Variants in SPECC1 observed in about 807,000 individuals in gnomAD.
The protein encoded by SPECC1 is sperm antigen with calponin homology and coiled-coil domains 1, also known as cytospin-B.
A neutral mutation model predicts 104.1 loss-of-function variants in SPECC1; 62 were observed. That is an observed-to-expected ratio of 0.60 (90% CI 0.49 to 0.74). SPECC1 has a LOEUF of 0.74. SPECC1 is among the 30% of genes least tolerant of loss of function. SPECC1 has a pLI of 0.00. For synonymous variants in SPECC1, 513 were observed against 501.6 expected (o/e 1.02, Z -0.30); for missense variants, 1,306 against 1,310.5 (o/e 1.00, Z 0.05).
intron 12 of SPECC1, among the ~76,000 whole-genome samples, chr17:20,278,032 T>C (rs2040631637): frequency 6.6e-6 from 1 of 152,206 alleles, no homozygotes; most frequent in Admixed American, 6.5e-5. Flanking sequence ...CTACCATGGC[T>C]TGAAAACCCT....
chr17:20,104,300 G>T (rs533561555), intron 2 of SPECC1, among the ~76,000 whole-genome samples: 12 of 152,152 alleles, frequency 7.9e-5, no homozygotes, highest in Admixed American at 2.0e-4. Flanking sequence ...ACAGTGTGGG[G>T]TATTTTTGTA....
At chr17:20,105,232 G>A (rs547314648) in intron 2 of SPECC1, among the ~76,000 whole-genome samples, 1 of 152,230 alleles carries the variant, frequency 6.6e-6, no homozygotes, top group Admixed American at 6.5e-5. Context: ...TAGGACTACA[G>A]GCACGCAGTG....
At chr17:20,281,996 G>A (rs1298973889) in intron 12 of SPECC1, among the ~76,000 whole-genome samples, 1 of 152,222 alleles carries the variant, frequency 6.6e-6, no homozygotes, top group East Asian at 1.9e-4. Context: ...GGTGCTGTGT[G>A]AGGCTAGCAC....
At chr17:20,298,197 C>A (rs553418419) in intron 13 of SPECC1, among the ~76,000 whole-genome samples, 1 of 152,164 alleles carries the variant, frequency 6.6e-6, no homozygotes, top group South Asian at 2.1e-4. Flanking sequence ...ACTAAAAATA[C>A]AAAAATTAGC....
chr17:20,243,307 TAC>T (rs1376025319), intron 7 of SPECC1, among the ~76,000 whole-genome samples: 1 of 152,198 alleles, frequency 6.6e-6, no homozygotes, highest in Non-Finnish European at 1.5e-5. Flanking sequence ...GCTGTATACT[TAC>T]ATATTTCTTA....
chr17:20,161,221 AC>A (rs1167228890), intron 3 of SPECC1, among the ~76,000 whole-genome samples: 25 of 152,110 alleles, frequency 1.6e-4, no homozygotes, highest in Non-Finnish European at 2.9e-4. Flanking sequence ...AAAAGAAAAA[AC>A]TTTAAAATTC....
chr17:20,182,270 T>C (rs1367234729), intron 3 of SPECC1, among the ~76,000 whole-genome samples: 1 of 151,970 alleles, frequency 6.6e-6, no homozygotes, highest in Non-Finnish European at 1.5e-5. Flanking sequence ...CACACCACCA[T>C]GTCCCGCTAA....
intron 3 of SPECC1, among the ~76,000 whole-genome samples, chr17:20,164,645 G>T (rs1431241876): frequency 6.6e-6 from 1 of 152,114 alleles, no homozygotes; most frequent in Admixed American, 6.6e-5. Flanking sequence ...GATATTCTGT[G>T]CTTGTTAGTT....
At position 20,306,880 on chromosome 17, in the gene SPECC1, T is replaced by C. The variant is rs78997506; in HGVS notation, c.3117+798T>C. 3.5e-3 allele frequency among the ~76,000 whole-genome samples: 535 copies of C among 152,184 alleles called. 23 individuals carry two copies. The East Asian group carries it at 0.094, about 27-fold the overall frequency. On this transcript the variant is annotated intron_variant, in intron 14 of 14. Transcript: ENST00000395527. Reference sequence around the variant, plus strand: ...ATCTACTTGAGCTAGTCAGCAGATATAGCAAACAAAAGGATTATCTACCAG... The same window carrying C: ...ATCTACTTGAGCTAGTCAGCAGATACAGCAAACAAAAGGATTATCTACCAG...
At chr17:20,016,047 A>T (rs1200141689) in intron 1 of SPECC1, among the ~76,000 whole-genome samples, 2 of 144,798 alleles carry the variant, frequency 1.4e-5, no homozygotes, top group Non-Finnish European at 3.0e-5. Context: ...CGCTTCTACT[A>T]AAAAAAAAAT....
At chr17:20,290,492 T>G (rs930507531) in intron 12 of SPECC1, 2 of 151,786 alleles carry the variant, frequency 1.3e-5, no homozygotes, top group East Asian at 3.9e-4. Flanking sequence ...CCACCACACT[T>G]GTCTGATTTT....
intron 7 of SPECC1, among the ~76,000 whole-genome samples, chr17:20,234,353 A>G (rs2151489387): frequency 6.6e-6 from 1 of 152,346 alleles, no homozygotes; most frequent in Middle Eastern, 3.4e-3. Flanking sequence ...TTTGGCAGGA[A>G]GTCAGACAAG....
intron 3 of SPECC1, among the ~76,000 whole-genome samples, chr17:20,186,658 G>C (rs577070511): frequency 2.0e-3 from 298 of 152,254 alleles, no homozygotes; most frequent in African/African-American, 6.9e-3. Flanking sequence ...TGACTTCCCA[G>C]GCTCAGGTGA....
Position 20,112,391 on chromosome 17 carries a change from T to G in SPECC1, c.283+1829T>G, listed in dbSNP as rs534303262. 13 of 759,782 alleles carry G rather than the reference T, an allele frequency of 1.7e-5. No individual in the cohort carries two copies. The South Asian group carries it at 1.8e-4, about 10-fold the overall frequency. The allele number at this position is 759,782 out of a possible 1,614,324, so 47.1% of individuals were successfully genotyped here. On this transcript the variant is annotated intron_variant, in intron 3 of 14. Coordinates refer to ENST00000395527, the MANE Select transcript of SPECC1 (RefSeq NM_001243439.2). ...ACACCTAGAAATGGCAATAAAGAAT[T>G]CTAAACCACCGGAGGATCATTCACC...
intron 1 of SPECC1, among the ~76,000 whole-genome samples, chr17:20,050,159 C>T (rs1252848180): frequency 2.0e-5 from 3 of 152,154 alleles, no homozygotes; most frequent in Admixed American, 1.3e-4. Flanking sequence ...ACCAACATGG[C>T]ACATGTATAC....
intron 11 of SPECC1, among the ~76,000 whole-genome samples, chr17:20,259,647 A>G (rs2151591773): frequency 6.6e-6 from 1 of 152,188 alleles, no homozygotes; most frequent in African/African-American, 2.4e-5. Context: ...CTGGGATTAG[A>G]GATGCACACC....
At chr17:20,187,119 C>T (rs2035334593) in intron 3 of SPECC1, among the ~76,000 whole-genome samples, 1 of 151,988 alleles carries the variant, frequency 6.6e-6, no homozygotes, top group Non-Finnish European at 1.5e-5. Flanking sequence ...CTGAAATACT[C>T]CAATGAGTGT....
intron 7 of SPECC1, among the ~76,000 whole-genome samples, chr17:20,245,329 C>G (rs559822062): frequency 2.6e-5 from 4 of 152,140 alleles, no homozygotes; most frequent in Non-Finnish European, 5.9e-5. Context: ...ACCACAGTTG[C>G]CAGCACCATA....
At chr17:20,311,676 T>C (rs2041938314) in intron 14 of SPECC1, among the ~76,000 whole-genome samples, 1 of 152,128 alleles carries the variant, frequency 6.6e-6, no homozygotes, top group Non-Finnish European at 1.5e-5. Flanking sequence ...TACAGTCCAG[T>C]ACAGTTTTAA....
Sources: allele counts gnomAD v4.1 joint callset (sites outside exome capture counted in the v4.1 genomes callset), GRCh38; gene constraint gnomAD v4.1.1; transcripts MANE v1.5; gene names NCBI Gene and HGNC (gene_info 2026-07-23, HGNC 2026-07-21).